Variants in SIMC1 observed in about 807,000 individuals in gnomAD.
SIMC1 encodes SUMO-interacting motif-containing protein 1.
SIMC1 carries 55 observed loss-of-function variants against 82.3 expected under a neutral mutation model. The observed-to-expected ratio is 0.67, with a 90% CI of 0.54 to 0.84. The LOEUF is 0.84. SIMC1 is among the 40% of genes least tolerant of loss of function. The pLI is 0.00. For synonymous variants in SIMC1, 353 were observed against 426.3 expected (o/e 0.83, Z 2.12); for missense variants, 915 against 1,107.2 (o/e 0.83, Z 2.46).
At chr5:176,313,966 A>ATT in intron 5 of SIMC1, 121 bp downstream of exon 5, 1 of 1,279,274 alleles carries the variant, frequency 7.8e-7, no homozygotes, top group Non-Finnish European at 1.1e-6. Flanking sequence ...AATAGGGCTA[A>ATT]TTTTTAAAAC....
chr5:176,278,955 C>G (rs1010005022), intron 1 of SIMC1, among the ~76,000 whole-genome samples: 5 of 152,128 alleles, frequency 3.3e-5, no homozygotes, highest in African/African-American at 7.2e-5. Context: ...CAGAATGATG[C>G]TGGCCCCATA....
At chr5:176,314,868 T>C (rs1425460168) in intron 5 of SIMC1, among the ~76,000 whole-genome samples, 2 of 152,192 alleles carry the variant, frequency 1.3e-5, no homozygotes, top group Non-Finnish European at 1.5e-5. Context: ...ATTTTCAGTA[T>C]AGTATTCAAT....
chr5:176,333,831 G>A (rs1324300101), intron 7 of SIMC1, among the ~76,000 whole-genome samples: 4 of 151,704 alleles, frequency 2.6e-5, no homozygotes, highest in Non-Finnish European at 5.9e-5. Context: ...CTGAGGCTCT[G>A]TTTTTTTCTA....
Position 176,336,737 on chromosome 5 carries a change from C to T in SIMC1, c.2189C>T (p.Thr730Ile). 6.2e-7 allele frequency: 1 copy of T among 1,613,996 alleles called. No homozygotes were observed. Among genetic ancestry groups the T allele is most frequent in the Non-Finnish European group, 8.5e-7 (1 of 1,179,898 alleles). The change falls in exon 8 of 10, where the codon ACC (threonine) becomes ATC (isoleucine). Residue 730 changes from threonine (T) to isoleucine (I), a missense_variant. Coordinates refer to ENST00000429602, the MANE Select transcript of SIMC1 (RefSeq NM_001308195.2). ...CCACACAGAGAAATGTTCTTTACTACCATGGAAAGCCACCTTCTGCGCTGC... is the reference window on the plus strand; with the variant it reads ...CCACACAGAGAAATGTTCTTTACTATCATGGAAAGCCACCTTCTGCGCTGC... ...ERSQREMFFT[T>I]MESHLLRCKV...
intron 4 of SIMC1, among the ~76,000 whole-genome samples, chr5:176,306,774 G>GCGGAGGC (rs1216338361): frequency 6.8e-6 from 1 of 147,488 alleles, no homozygotes; most frequent in Non-Finnish European, 1.5e-5. Context: ...CACAAACACT[G>GCGGAGGC]CGGAGGCCGC....
chr5:176,252,678 T>G (rs1410346448), intron 1 of SIMC1, among the ~76,000 whole-genome samples: 1 of 148,906 alleles, frequency 6.7e-6, no homozygotes, highest in African/African-American at 2.5e-5. Flanking sequence ...GCAGAGGGGC[T>G]CCTCACCTCC....
intron 5 of SIMC1, 77 bp downstream of exon 5, chr5:176,313,922 A>C: frequency 2.5e-6 from 4 of 1,580,244 alleles, no homozygotes; most frequent in Non-Finnish European, 3.4e-6. Context: ...CCAGAATATC[A>C]GCCAGGTGAG....
chr5:176,287,563 C>T (rs1009605393), intron 1 of SIMC1, among the ~76,000 whole-genome samples: 2 of 151,816 alleles, frequency 1.3e-5, no homozygotes, highest in Non-Finnish European at 2.9e-5. Flanking sequence ...ACACCAACAT[C>T]GCACATGTAC....
At chr5:176,258,404 A>G (rs1761915344) in intron 1 of SIMC1, among the ~76,000 whole-genome samples, 1 of 150,544 alleles carries the variant, frequency 6.6e-6, no homozygotes, top group African/African-American at 2.4e-5. Context: ...CTCCATCTTT[A>G]AGATCCTGGG....
At chr5:176,311,324 A>G (rs1764654270) in intron 4 of SIMC1, among the ~76,000 whole-genome samples, 1 of 152,208 alleles carries the variant, frequency 6.6e-6, no homozygotes, top group Non-Finnish European at 1.5e-5. Flanking sequence ...TGCAGCCATG[A>G]CCTCTTGAAC....
intron 2 of SIMC1, among the ~76,000 whole-genome samples, chr5:176,293,306 C>T (rs1428051166): frequency 6.6e-6 from 1 of 151,138 alleles, no homozygotes; most frequent in Non-Finnish European, 1.5e-5. Context: ...TATGGTGGCA[C>T]ACACCTATAT....
intron 1 of SIMC1, among the ~76,000 whole-genome samples, chr5:176,269,400 T>A (rs1228207476): frequency 6.6e-6 from 1 of 152,270 alleles, no homozygotes; most frequent in Non-Finnish European, 1.5e-5. Flanking sequence ...AACAATTTTA[T>A]GCCAATAAAT....
intron 1 of SIMC1, among the ~76,000 whole-genome samples, chr5:176,277,510 T>G (rs972330144): frequency 3.3e-5 from 5 of 152,026 alleles, no homozygotes; most frequent in African/African-American, 7.3e-5. Flanking sequence ...GTTTTAGACG[T>G]GAAGTCCTTG....
At chr5:176,308,091 A>C in intron 4 of SIMC1, 1 of 756,130 alleles carries the variant, frequency 1.3e-6, no homozygotes, top group Non-Finnish European at 2.4e-6. Context: ...CAGGCGGTGC[A>C]GGCAGTTCAT....
At chr5:176,252,537 C>T (rs1207985854) in intron 1 of SIMC1, among the ~76,000 whole-genome samples, 8 of 147,238 alleles carry the variant, frequency 5.4e-5, no homozygotes, top group South Asian at 2.2e-4. Flanking sequence ...ACATCTCAGA[C>T]GATGGGCGGC....
At position 176,263,983 on chromosome 5, in the gene SIMC1, C is replaced by T. The variant is rs143376380; in HGVS notation, c.129+25346C>T. Among the ~76,000 whole-genome samples, 385 of 152,374 alleles carry T rather than the reference C, an allele frequency of 2.5e-3. 3 individuals carry two copies. Among genetic ancestry groups the T allele is most frequent in the African/African-American group, 8.8e-3 (364 of 41,590 alleles). On this transcript the variant is annotated intron_variant, in intron 1 of 9. Coordinates refer to ENST00000429602, the MANE Select transcript of SIMC1 (RefSeq NM_001308195.2). Reference sequence around the variant, plus strand: ...GCCAAAAGAAAGCGGTAATAGGCCTCATGCAAGTCCAGAACTCAGCAGGGC... The same window carrying T: ...GCCAAAAGAAAGCGGTAATAGGCCTTATGCAAGTCCAGAACTCAGCAGGGC...
intron 2 of SIMC1, among the ~76,000 whole-genome samples, chr5:176,294,199 G>A (rs1304823403): frequency 6.6e-6 from 1 of 152,152 alleles, no homozygotes; most frequent in Non-Finnish European, 1.5e-5. Flanking sequence ...ATGAAATCAT[G>A]TTATATGTAC....
intron 4 of SIMC1, among the ~76,000 whole-genome samples, chr5:176,297,495 T>A (rs1763866050): frequency 8.2e-6 from 1 of 122,142 alleles, no homozygotes; most frequent in Non-Finnish European, 1.6e-5. Flanking sequence ...AGAGCGAAAC[T>A]CTGTCTCAAA....
intron 1 of SIMC1, among the ~76,000 whole-genome samples, chr5:176,274,738 C>A (rs1762605706): frequency 6.6e-6 from 1 of 151,896 alleles, no homozygotes; most frequent in Middle Eastern, 3.4e-3. Flanking sequence ...AGCCAGTTTT[C>A]CCAGCACCAT....
Sources: gnomAD v4.1 joint callset for allele counts (sites outside exome capture counted in the v4.1 genomes callset) on GRCh38, gnomAD v4.1.1 for gene constraint, MANE v1.5 for transcripts, NCBI Gene and HGNC (gene_info 2026-07-23, HGNC 2026-07-21) for gene names.